TRPM1: variants seen among roughly 807,000 people sequenced by gnomAD.
TRPM1 encodes TRPM1-203 APA Isoform, Intron 10.
In TRPM1, 113 loss-of-function variants were observed where a neutral mutation model predicts 149.4. That is an observed-to-expected ratio of 0.76 (90% CI 0.65 to 0.88). The LOEUF (loss-of-function observed/expected upper bound fraction) is 0.88, where lower values mean the gene tolerates loss of function less well. Among genes scored for constraint, TRPM1 ranks in the 40% least tolerant of loss-of-function variants. The pLI, the probability that TRPM1 is intolerant of heterozygous loss-of-function variation, is 0.00. For missense variants in TRPM1, 1,976 were observed against 2,038.7 expected (o/e 0.97, Z 0.59); for synonymous variants, 741 against 759.5 (o/e 0.98, Z 0.40).
chr15:31,065,746 G>T (rs1322566081), intron 7 of TRPM1, among the ~76,000 whole-genome samples: 2 of 152,184 alleles, frequency 1.3e-5, no homozygotes, highest in Non-Finnish European at 2.9e-5. Context: ...TTGAGAAATT[G>T]TTTTCCTGTT....
chr15:31,112,766 A>G (rs1253467061), intron 1 of TRPM1, among the ~76,000 whole-genome samples: 1 of 152,142 alleles, frequency 6.6e-6, no homozygotes, highest in Non-Finnish European at 1.5e-5. Flanking sequence ...AAATTTGGGC[A>G]ACTCTGCTTC....
At chr15:31,155,584 C>T (rs2036360840) in intron 1 of TRPM1, among the ~76,000 whole-genome samples, 1 of 152,070 alleles carries the variant, frequency 6.6e-6, no homozygotes, top group African/African-American at 2.4e-5. Flanking sequence ...AAATCATAGA[C>T]AAGACTGATA....
At chr15:31,150,080 C>A (rs950037865) in intron 1 of TRPM1, among the ~76,000 whole-genome samples, 3 of 152,196 alleles carry the variant, frequency 2.0e-5, no homozygotes, top group African/African-American at 7.2e-5. Context: ...GGAGCTAACT[C>A]CTAATCTTGT....
intron 1 of TRPM1, among the ~76,000 whole-genome samples, chr15:31,085,789 CA>C (rs773109666): frequency 6.6e-6 from 1 of 152,196 alleles, no homozygotes; most frequent in African/African-American, 2.4e-5. Context: ...AGCTGCAATG[CA>C]GACCCCGAAT....
At chr15:31,138,156 C>T (rs1596096723) in intron 1 of TRPM1, among the ~76,000 whole-genome samples, 1 of 152,128 alleles carries the variant, frequency 6.6e-6, no homozygotes, top group East Asian at 1.9e-4. Context: ...GCCTTTGGGT[C>T]CCTGAAACAA....
chr15:31,068,059 AG>A lies in TRPM1; in HGVS notation c.312del (p.Ser105HisfsTer7). ...YIRVSYDTKP[D>X]SLLHLMVKDW... is the part of the protein sequence containing the mutation. ...TCTTTCACCATGAGATGGAGCAGTG[AG>A]TCTGGCTTGGTGTCATAGGATACAC... is the stretch of plus-strand genomic sequence containing the variant. On this transcript the variant is annotated frameshift_variant, in exon 5 of 28. Coordinates refer to ENST00000256552, the MANE Select transcript of TRPM1 (RefSeq NM_001252024.2). LOFTEE classifies it high-confidence loss of function. 1.9e-6 allele frequency: 3 copies of A among 1,614,192 alleles called. No homozygotes were observed. The Middle Eastern group carries it at 5.0e-4, about 266-fold the overall frequency.
upstream of TRPM1, among the ~76,000 whole-genome samples, chr15:31,105,848 C>T (rs571025185): frequency 1.1e-4 from 16 of 152,264 alleles, no homozygotes; most frequent in East Asian, 1.2e-3. Context: ...TGTGGGGAGA[C>T]GCTGGCAATG....
At chr15:31,037,246 C>A (rs1370519990) in intron 20 of TRPM1, among the ~76,000 whole-genome samples, 5 of 152,252 alleles carry the variant, frequency 3.3e-5, no homozygotes, top group Non-Finnish European at 7.3e-5. Context: ...GTTTGGTGAG[C>A]ACTTCAGAAT....
intron 11 of TRPM1, among the ~76,000 whole-genome samples, chr15:31,054,345 A>G (rs1390953028): frequency 6.6e-6 from 1 of 151,664 alleles, no homozygotes; most frequent in Non-Finnish European, 1.5e-5. Flanking sequence ...CCCAGGCTGG[A>G]GTGCAGTGGC....
intron 11 of TRPM1, among the ~76,000 whole-genome samples, chr15:31,052,694 GA>G (rs1156632852): frequency 1.3e-5 from 2 of 152,188 alleles, no homozygotes; most frequent in Non-Finnish European, 2.9e-5. Context: ...AGAATTCCTT[GA>G]ACCCAGGAGG....
At chr15:31,050,820 G>T (rs539208546) in intron 11 of TRPM1, among the ~76,000 whole-genome samples, 1 of 152,260 alleles carries the variant, frequency 6.6e-6, no homozygotes, top group South Asian at 2.1e-4. Flanking sequence ...TCTGAAGAAG[G>T]CTCTGATACT....
chr15:31,136,747 C>CG (rs1203341656), intron 1 of TRPM1, among the ~76,000 whole-genome samples: 1 of 100,230 alleles, frequency 1.0e-5, no homozygotes, highest in African/African-American at 4.0e-5. Flanking sequence ...GCCGCCCCCA[C>CG]CCTTTTTTTT....
chr15:31,155,648 T>C (rs998712617), intron 1 of TRPM1, among the ~76,000 whole-genome samples: 1 of 152,134 alleles, frequency 6.6e-6, no homozygotes. Flanking sequence ...TGACTTTACA[T>C]GTGTACTTAT....
intron 1 of TRPM1, among the ~76,000 whole-genome samples, chr15:31,089,551 C>T (rs530037986): frequency 1.1e-4 from 17 of 152,136 alleles, no homozygotes; most frequent in Non-Finnish European, 2.2e-4. Context: ...GGATGGGGGG[C>T]CGAGACAGGC....
At chr15:31,114,951 G>T (rs1396663605) in intron 1 of TRPM1, among the ~76,000 whole-genome samples, 2 of 152,194 alleles carry the variant, frequency 1.3e-5, no homozygotes, top group African/African-American at 2.4e-5. Context: ...ATAATATCTT[G>T]CAGGAGTTAA....
At chr15:31,080,640 A>G (rs1216151366) in intron 2 of TRPM1, among the ~76,000 whole-genome samples, 23 of 7,990 alleles carry the variant, frequency 2.9e-3, no homozygotes, top group South Asian at 0.019. Context: ...GTCCGCCCCC[A>G]TCGTCCTCGA....
intron 1 of TRPM1, among the ~76,000 whole-genome samples, chr15:31,113,467 T>G (rs1223921439): frequency 1.3e-5 from 2 of 151,540 alleles, no homozygotes; most frequent in African/African-American, 4.9e-5. Context: ...GGTATAGAGA[T>G]AAAAATGGGT....
intron 1 of TRPM1, among the ~76,000 whole-genome samples, chr15:31,100,222 G>A (rs111483758): frequency 1.3e-3 from 202 of 151,596 alleles, no homozygotes; most frequent in African/African-American, 4.4e-3. Context: ...GACTACAGGC[G>A]CGCACTACCA....
intron 7 of TRPM1, 115 bp from the exon 8 acceptor site, chr15:31,063,407 A>C: frequency 7.5e-7 from 1 of 1,337,460 alleles, no homozygotes; most frequent in Non-Finnish European, 1.1e-6. Context: ...GGGATGTTCT[A>C]TCTGGCTGGA....
Sources: gnomAD v4.1 joint callset for allele counts (sites outside exome capture counted in the v4.1 genomes callset) on GRCh38, gnomAD v4.1.1 for gene constraint, MANE v1.5 for transcripts, NCBI Gene and HGNC (gene_info 2026-07-23, HGNC 2026-07-21) for gene names.